Variants in NWD2 observed in about 807,000 individuals in gnomAD.
NWD2 encodes the protein NACHT and WD repeat domain-containing protein 2.
Under a neutral mutation model 132.7 loss-of-function variants are expected in NWD2, and 37 were observed. The observed-to-expected ratio is 0.28, with a 90% CI of 0.21 to 0.37. The LOEUF is 0.37. Ranked by LOEUF, NWD2 falls within the 10% of genes least tolerant of loss-of-function variation. The probability of loss-of-function intolerance (pLI) is 1.00; values close to 1 mark genes in which losing one functional copy is unlikely to be tolerated. For synonymous variants in NWD2, 705 were observed against 803.0 expected (o/e 0.88, Z 2.06); for missense variants, 1,592 against 2,122.4 (o/e 0.75, Z 4.91).
chr4:37,319,926 G>T (rs1372528698), intron 1 of NWD2, among the ~76,000 whole-genome samples: 4 of 152,044 alleles, frequency 2.6e-5, no homozygotes, highest in Admixed American at 6.6e-5. Context: ...CAAATTTGTT[G>T]TTTTTTGCTT....
At chr4:37,312,040 T>C (rs2109281373) in intron 1 of NWD2, among the ~76,000 whole-genome samples, 1 of 152,060 alleles carries the variant, frequency 6.6e-6, no homozygotes, top group Non-Finnish European at 1.5e-5. Flanking sequence ...AGCCTTGTAG[T>C]ATAGTTTGAA....
chr4:37,357,363 T>C (rs1432631342), intron 3 of NWD2, among the ~76,000 whole-genome samples: 1 of 152,196 alleles, frequency 6.6e-6, no homozygotes, highest in Non-Finnish European at 1.5e-5. Flanking sequence ...TCCGTCTATA[T>C]TTGGCTCCGC....
chr4:37,281,069 A>T (rs920620475), intron 1 of NWD2, among the ~76,000 whole-genome samples: 3 of 152,122 alleles, frequency 2.0e-5, no homozygotes, highest in Non-Finnish European at 4.4e-5. Context: ...AAGGGAAGAA[A>T]GCTAACCTTT....
chr4:37,295,106 T>C (rs928607006), intron 1 of NWD2, among the ~76,000 whole-genome samples: 1 of 152,184 alleles, frequency 6.6e-6, no homozygotes, highest in African/African-American at 2.4e-5. Flanking sequence ...GTGGAGATAA[T>C]TGACCTTTTC....
In NWD2 at chr4:37,305,838, G is replaced by C. The variant is rs375661609; in HGVS notation, c.152-20098G>C. Among the ~76,000 whole-genome samples, 221 of 152,230 alleles carry C rather than the reference G, an allele frequency of 1.5e-3. 8 individuals are homozygous for C. In the South Asian group the frequency reaches 0.044, roughly 30 times the overall value. On this transcript the variant is annotated intron_variant, in intron 1 of 6. Coordinates refer to ENST00000309447, the MANE Select transcript of NWD2 (RefSeq NM_001144990.2). Reference sequence around the variant, plus strand: ...ATATCAGAGTAATGCTACTCTTATAGAATTAATAGAATAATTAATTAATAG... The same window carrying C: ...ATATCAGAGTAATGCTACTCTTATACAATTAATAGAATAATTAATTAATAG...
intron 2 of NWD2, among the ~76,000 whole-genome samples, chr4:37,337,279 G>T (rs1719428909): frequency 6.6e-6 from 1 of 152,192 alleles, no homozygotes; most frequent in African/African-American, 2.4e-5. Context: ...GGTGTCATAT[G>T]TTACATTTTG....
chr4:37,373,219 T>C (rs940823475), intron 3 of NWD2, among the ~76,000 whole-genome samples: 10 of 152,200 alleles, frequency 6.6e-5, no homozygotes, highest in African/African-American at 2.4e-4. Flanking sequence ...GGCACTCAAC[T>C]AGGATTTCAA....
intron 1 of NWD2, among the ~76,000 whole-genome samples, chr4:37,321,013 C>T (rs1159127837): frequency 1.3e-5 from 2 of 151,962 alleles, no homozygotes; most frequent in Non-Finnish European, 2.9e-5. Context: ...AAAAGTTAAC[C>T]AGGTGTGGTG....
At chr4:37,344,094 T>C (rs1444076011) in intron 2 of NWD2, among the ~76,000 whole-genome samples, 4 of 152,190 alleles carry the variant, frequency 2.6e-5, no homozygotes, top group African/African-American at 9.6e-5. Flanking sequence ...CAAGTTAGTA[T>C]TCCAATAAAT....
intron 1 of NWD2, among the ~76,000 whole-genome samples, chr4:37,252,527 TTTC>T (rs2109255480): frequency 6.6e-6 from 1 of 152,344 alleles, no homozygotes; most frequent in African/African-American, 2.4e-5. Flanking sequence ...ACAACAATGA[TTTC>T]TTTCTCACAG....
intron 2 of NWD2, among the ~76,000 whole-genome samples, chr4:37,343,591 A>G (rs1157282211): frequency 1.3e-5 from 2 of 152,224 alleles, no homozygotes; most frequent in East Asian, 3.8e-4. Flanking sequence ...AATAGCCTTC[A>G]TTTCAGTGCT....
rs568494015 is a variant in NWD2, at chr4:37,417,147, A to T, written c.358-13425A>T. Among the ~76,000 whole-genome samples the T allele has an allele frequency of 2.9e-3, 446 of 152,232 alleles. 7 individuals are homozygous for T. The highest frequency in any genetic ancestry group is 6.3e-4 in the Non-Finnish European group (43 of 68,006). On this transcript the variant is annotated intron_variant, in intron 3 of 6. Coordinates refer to ENST00000309447, the MANE Select transcript of NWD2 (RefSeq NM_001144990.2). ...AAATTTAGAATATATTTCTCTTAAA[A>T]TTTTTTTAAAAAAGAAAATTACTGG...
At chr4:37,406,878 A>T (rs1309699052) in intron 3 of NWD2, among the ~76,000 whole-genome samples, 1 of 152,206 alleles carries the variant, frequency 6.6e-6, no homozygotes, top group East Asian at 1.9e-4. Context: ...CCTGAGCAAC[A>T]AGAGCAAAAC....
intron 1 of NWD2, among the ~76,000 whole-genome samples, chr4:37,262,695 G>T (rs1340898670): frequency 2.0e-5 from 3 of 152,134 alleles, no homozygotes; most frequent in Non-Finnish European, 4.4e-5. Flanking sequence ...GAGAGACATT[G>T]TATTGGATCT....
At chr4:37,395,178 A>ATG (rs1720762610) in intron 3 of NWD2, among the ~76,000 whole-genome samples, 1 of 151,964 alleles carries the variant, frequency 6.6e-6, no homozygotes, top group South Asian at 2.1e-4. Context: ...GTGCCCTGAC[A>ATG]TGTGGAGGGC....
chr4:37,363,456 T>C (rs910358572), intron 3 of NWD2, among the ~76,000 whole-genome samples: 1 of 152,180 alleles, frequency 6.6e-6, no homozygotes, highest in Non-Finnish European at 1.5e-5. Context: ...TACACAGCCA[T>C]AGAAAAGCAA....
At chr4:37,317,786 A>AT (rs1560393312) in intron 1 of NWD2, among the ~76,000 whole-genome samples, 3 of 152,286 alleles carry the variant, frequency 2.0e-5, no homozygotes. Context: ...TCCATCAAGT[A>AT]TTTTTTAACA....
intron 1 of NWD2, among the ~76,000 whole-genome samples, chr4:37,256,021 T>C (rs1238405868): frequency 6.6e-6 from 1 of 152,182 alleles, no homozygotes; most frequent in East Asian, 1.9e-4. Context: ...AAAGAAATGT[T>C]CCCAAAAGAG....
At chr4:37,340,163 T>C (rs932557482) in intron 2 of NWD2, among the ~76,000 whole-genome samples, 1 of 152,160 alleles carries the variant, frequency 6.6e-6, no homozygotes, top group Non-Finnish European at 1.5e-5. Flanking sequence ...CTACCAGATC[T>C]TTAAGTTTTA....
Sources: allele counts gnomAD v4.1 joint callset (sites outside exome capture counted in the v4.1 genomes callset), GRCh38; gene constraint gnomAD v4.1.1; transcripts MANE v1.5; gene names NCBI Gene and HGNC (gene_info 2026-07-23, HGNC 2026-07-21).